SNRPN: variants seen among roughly 807,000 people sequenced by gnomAD.
The protein encoded by SNRPN is small nuclear ribonucleoprotein polypeptide N, also known as small nuclear ribonucleoprotein-associated protein N.
In SNRPN, 7 loss-of-function variants were observed where a neutral mutation model predicts 25.2. The observed-to-expected ratio is 0.28, with a 90% CI of 0.16 to 0.52. The LOEUF (loss-of-function observed/expected upper bound fraction) is 0.52, where lower values mean the gene tolerates loss of function less well. SNRPN is among the 20% of genes least tolerant of loss of function. SNRPN has a pLI of 0.96. For synonymous variants in SNRPN, 124 were observed against 110.6 expected, an observed-to-expected ratio of 1.12 and a Z score of -0.76; for missense variants, 196 against 322.5, an observed-to-expected ratio of 0.61 and a Z score of 3.00.
intron 1 of SNRPN, among the ~76,000 whole-genome samples, chr15:24,861,279 A>T (rs971530488): frequency 6.6e-6 from 1 of 152,240 alleles, no homozygotes; most frequent in Non-Finnish European, 1.5e-5. Context: ...TCCAGGCTAC[A>T]TGGTACTTAC....
intron 3 of SNRPN, among the ~76,000 whole-genome samples, chr15:24,924,979 T>A (rs2060282203): frequency 6.6e-6 from 1 of 152,308 alleles, no homozygotes; most frequent in Non-Finnish European, 1.5e-5. Flanking sequence ...GGCCTCTGAT[T>A]CAGCTGTGGT....
intron 1 of SNRPN, among the ~76,000 whole-genome samples, chr15:24,881,258 C>T (rs1213053109): frequency 2.0e-5 from 3 of 151,728 alleles, no homozygotes; most frequent in Admixed American, 6.6e-5. Flanking sequence ...TGTGGTGGCT[C>T]ATGCCTGTAA....
intron 3 of SNRPN, among the ~76,000 whole-genome samples, chr15:24,922,037 TAAAAAAAAAA>T (rs67089476): frequency 2.1e-5 from 2 of 94,406 alleles, no homozygotes; most frequent in East Asian, 3.2e-4. Flanking sequence ...CCGTCTCTAC[TAAAAAAAAAA>T]AAAAAAAAAA....
At chr15:24,924,248 G>A (rs11637165) in intron 3 of SNRPN, among the ~76,000 whole-genome samples, 10,246 of 151,998 alleles carry the variant, frequency 0.067, 608 homozygotes, top group East Asian at 0.33. Context: ...AGAAGCTTAT[G>A]TACCCTCTTC....
rs535695990 is a variant in SNRPN, at chr15:24,912,461, T to G, written c.-504-7550T>G. On this transcript the variant is annotated intron_variant, in intron 2 of 11. Transcript: ENST00000400097. ...TTTACATGCGACTTTCGACTTACAC[T>G]TGAAAGTTGATGCTGGAATGAGTTA... The G allele has an allele frequency of 5.3e-5, 8 of 152,278 alleles. No individual in the cohort carries two copies. In the South Asian group the frequency reaches 1.7e-3, roughly 32 times the overall value. The allele number at this position is 152,278 out of a possible 1,614,324, so 9.4% of individuals were successfully genotyped here.
chr15:24,905,446 T>C (rs1380824765), intron 2 of SNRPN, among the ~76,000 whole-genome samples: 2 of 143,698 alleles, frequency 1.4e-5, no homozygotes, highest in African/African-American at 5.2e-5. Context: ...GAGGCGGAGG[T>C]GGCAGTGAGC....
intron 2 of SNRPN, among the ~76,000 whole-genome samples, chr15:24,834,818 C>T (rs1295749826): frequency 7.3e-6 from 1 of 136,588 alleles, no homozygotes; most frequent in African/African-American, 2.7e-5. Flanking sequence ...CCCAGCTACT[C>T]AGGAGGCTGA....
upstream of SNRPN, among the ~76,000 whole-genome samples, chr15:24,954,256 T>C (rs576231869): frequency 6.6e-6 from 1 of 152,272 alleles, no homozygotes; most frequent in East Asian, 1.9e-4. Context: ...CATTGATTAT[T>C]GGTAAAAATT....
chr15:24,831,165 A>G (rs2050485110), intron 2 of SNRPN, among the ~76,000 whole-genome samples: 1 of 152,022 alleles, frequency 6.6e-6, no homozygotes, highest in Non-Finnish European at 1.5e-5. Flanking sequence ...TGGAAAATCG[A>G]TCCCTTTATT....
intron 1 of SNRPN, among the ~76,000 whole-genome samples, chr15:24,871,045 T>C (rs1001618545): frequency 7.2e-5 from 11 of 151,768 alleles, no homozygotes; most frequent in Non-Finnish European, 1.6e-4. Context: ...CACGCCCGGC[T>C]AATTATTTGG....
chr15:24,908,051 T>TC, intron 2 of SNRPN, among the ~76,000 whole-genome samples: 1 of 22,702 alleles, frequency 4.4e-5, no homozygotes, highest in African/African-American at 2.3e-4. Flanking sequence ...AGACTCCATC[T>TC]CAAAAAAAAA....
At chr15:24,833,083 C>T (rs1227518218) in intron 2 of SNRPN, among the ~76,000 whole-genome samples, 1 of 111,116 alleles carries the variant, frequency 9.0e-6, no homozygotes, top group Non-Finnish European at 1.6e-5. Context: ...CCAGCCTGGG[C>T]GACAGAGCGA....
chr15:24,958,305 G>C (rs1469724094), intron 1 of SNRPN, among the ~76,000 whole-genome samples: 1 of 151,516 alleles, frequency 6.6e-6, no homozygotes, highest in South Asian at 2.1e-4. Flanking sequence ...AATCATTTAA[G>C]CAGGTTGTGA....
At chr15:24,880,170 CTT>C (rs780794094) in intron 1 of SNRPN, among the ~76,000 whole-genome samples, 24 of 152,174 alleles carry the variant, frequency 1.6e-4, no homozygotes, top group Non-Finnish European at 3.1e-4. Flanking sequence ...GGTTTTCCCA[CTT>C]TTCGTTTTTG....
chr15:24,897,767 C>T (rs2058170179), intron 2 of SNRPN, among the ~76,000 whole-genome samples: 1 of 152,158 alleles, frequency 6.6e-6, no homozygotes. Context: ...CACAAGCGCT[C>T]TTGCCTGCCA....
chr15:24,833,565 T>G (rs1298470039), intron 2 of SNRPN, among the ~76,000 whole-genome samples: 1 of 152,062 alleles, frequency 6.6e-6, no homozygotes, highest in Non-Finnish European at 1.5e-5. Context: ...TTAAATTGCA[T>G]AGGGAGGGAA....
chr15:24,978,083 T>A lies in SNRPN; in HGVS notation c.560-110T>A, dbSNP rs540745770. 139 of 1,256,902 alleles carry A rather than the reference T, an allele frequency of 1.1e-4. No homozygotes were observed. The African/African-American group carries it at 1.8e-3, about 16-fold the overall frequency. 77.9% of individuals were successfully genotyped at this position (1,256,902 alleles called of 1,614,324 possible). ...AGAGTAATTGTCATATAGAAGTTAT[T>A]TGACTCTATCATTGTTGTCTGGCCC... On this transcript the variant is annotated intron_variant, in intron 8 of 9. Transcript: ENST00000390687.
At chr15:24,913,648 AAAAAC>A (rs202002403) in intron 2 of SNRPN, among the ~76,000 whole-genome samples, 2 of 152,060 alleles carry the variant, frequency 1.3e-5, no homozygotes, top group Admixed American at 1.3e-4. Context: ...TCCGTCTCAA[AAAAAC>A]AAAACAAAAC....
chr15:24,923,990 T>C (rs2060220053), intron 3 of SNRPN, among the ~76,000 whole-genome samples: 1 of 148,196 alleles, frequency 6.7e-6, no homozygotes, highest in Non-Finnish European at 1.5e-5. Context: ...GATGCCTGGC[T>C]TTTTGTAGTT....
Sources: gnomAD v4.1 joint callset for allele counts (sites outside exome capture counted in the v4.1 genomes callset) on GRCh38, gnomAD v4.1.1 for gene constraint, MANE v1.5 for transcripts, NCBI Gene and HGNC (gene_info 2026-07-23, HGNC 2026-07-21) for gene names.